Variants in AGAP5 observed in about 807,000 individuals in gnomAD.
AGAP5 encodes arf-GAP with GTPase, ANK repeat and PH domain-containing protein 5.
AGAP5 carries 8 observed loss-of-function variants against 27.7 expected under a neutral mutation model. The ratio of observed to expected loss-of-function variants is 0.29; its 90% CI spans 0.17 to 0.52. AGAP5 has a LOEUF of 0.52. Ranked by LOEUF, AGAP5 falls within the 20% of genes least tolerant of loss-of-function variation. The probability of loss-of-function intolerance (pLI) is 0.97; values close to 1 mark genes in which losing one functional copy is unlikely to be tolerated. For synonymous variants in AGAP5, 111 were observed against 338.0 expected, an observed-to-expected ratio of 0.33 and a Z score of 7.37; for missense variants, 285 against 880.8, an observed-to-expected ratio of 0.32 and a Z score of 8.56.
chr10:73,678,000 T>G (rs1411867608), intron 6 of AGAP5, among the ~76,000 whole-genome samples: 1 of 152,240 alleles, frequency 6.6e-6, no homozygotes. Flanking sequence ...AAGTGGAAAG[T>G]TAATGAGAAG....
At chr10:73,688,065 C>T (rs2082080254) in intron 4 of AGAP5, among the ~76,000 whole-genome samples, 1 of 151,644 alleles carries the variant, frequency 6.6e-6, no homozygotes, top group Non-Finnish European at 1.5e-5. Context: ...AGCCTCAAGT[C>T]CACCTGTCCT....
rs1486350011 is a variant in AGAP5 at position 73,694,597 on chromosome 10, A to G, written c.361+139T>C. 3.4e-6 allele frequency: 5 copies of G among 1,461,590 alleles called. No individual in the cohort carries two copies. In the South Asian group the frequency reaches 4.9e-5, roughly 14 times the overall value. 90.5% of individuals were successfully genotyped at this position (1,461,590 alleles called of 1,614,324 possible). A position where few individuals can be genotyped will look rare whatever the true frequency, so the allele number is the denominator to read the frequency against. ...CATAACAACTAAAGGAAAGTATATC[A>G]CATATTAAAATAAGACAAGTGAACA... On this transcript the variant is annotated intron_variant, in intron 3 of 7. Transcript: ENST00000374094.
rs765077802 is a variant in AGAP5, at chr10:73,697,123, T to C, written c.264A>G (p.Thr88=). 9 of 1,598,138 alleles carry C rather than the reference T, an allele frequency of 5.6e-6. No homozygotes were observed. The highest frequency in any genetic ancestry group is 6.8e-6 in the Non-Finnish European group (8 of 1,179,730). ...FSLSANPEAS[T]IFQRNSQTDA... ...CTGTTTGAGAGTTCCTCTGGAATATTGTGCTTGCCTCTGGATTGGCAGAAA... is the reference window on the plus strand; with the variant it reads ...CTGTTTGAGAGTTCCTCTGGAATATCGTGCTTGCCTCTGGATTGGCAGAAA... Residue 88 remains threonine (T), a synonymous_variant, in exon 2 of 8, where the codon ACA becomes ACG. Coordinates refer to ENST00000374094, the MANE Select transcript of AGAP5 (RefSeq NM_001144000.4).
At position 73,697,830 on chromosome 10, in the gene AGAP5, C is replaced by T. The variant is rs558977217; in HGVS notation, c.-75G>A. ...GCCACACACTCCCACTGTCCTAGGC[C>T]GAGGCTATGCTGCACTTGCAGAGAT... On this transcript the variant is annotated 5_prime_UTR_variant, in exon 1 of 8. Coordinates refer to ENST00000374094, the MANE Select transcript of AGAP5 (RefSeq NM_001144000.4). 116 of 1,581,508 alleles carry T rather than the reference C, an allele frequency of 7.3e-5. No homozygotes were observed. Among genetic ancestry groups the T allele is most frequent in the African/African-American group, 1.6e-4 (12 of 74,812 alleles).
intron 6 of AGAP5, among the ~76,000 whole-genome samples, chr10:73,678,880 GTC>G (rs1397196114): frequency 6.6e-6 from 1 of 151,366 alleles, no homozygotes; most frequent in Non-Finnish European, 1.5e-5. Flanking sequence ...TTGAGACAGA[GTC>G]TCTCTCTGTC....
intron 1 of AGAP5, 118 bp downstream of exon 1, chr10:73,697,415 C>A (rs556475238): frequency 3.1e-5 from 50 of 1,587,964 alleles, no homozygotes; most frequent in Non-Finnish European, 2.6e-6. Flanking sequence ...GGCCAGCCCC[C>A]GGGAAAGCTG....
chr10:73,691,346 A>G (rs1424162895), intron 4 of AGAP5, among the ~76,000 whole-genome samples: 3 of 152,212 alleles, frequency 2.0e-5, no homozygotes, highest in Admixed American at 6.5e-5. Flanking sequence ...ATTGGAAGAA[A>G]CACAGGGAGA....
chr10:73,695,671 A>G (rs1376458411), intron 2 of AGAP5, among the ~76,000 whole-genome samples: 2 of 152,168 alleles, frequency 1.3e-5, no homozygotes, highest in African/African-American at 2.4e-5. Context: ...ACAAAGTCAC[A>G]CTCATAATGA....
chr10:73,693,414 C>T (rs2082135211), intron 3 of AGAP5, among the ~76,000 whole-genome samples: 1 of 152,086 alleles, frequency 6.6e-6, no homozygotes, highest in African/African-American at 2.4e-5. Context: ...GACTGTGGTA[C>T]TGGCCAGGTG....
At chr10:73,688,985 GCCGCCT>G (rs376480052) in intron 4 of AGAP5, among the ~76,000 whole-genome samples, 1,689 of 152,084 alleles carry the variant, frequency 0.011, 25 homozygotes, top group African/African-American at 0.037. Flanking sequence ...CTCTGCCTCT[GCCGCCT>G]CCGCCTCCGC....
rs3998247 is a variant in AGAP5 at position 73,674,994 on chromosome 10, C to T, written c.1666G>A (p.Val556Ile). The stretch of plus-strand genomic sequence containing the variant: ...TCCTTCTCTTCCCTCGTGGACTTTA[C>T]TGAGGGTTTTGTCTGCCCCTGGCTG... ...GSSQGQTKPSVKSTREEKERW... is the reference protein window; with the variant it reads ...GSSQGQTKPSIKSTREEKERW... Residue 556 changes from valine to isoleucine, a missense_variant, in exon 8 of 8, where the codon GTA (valine) becomes ATA (isoleucine). Transcript: ENST00000374094. 1.2e-6 allele frequency: 2 copies of T among 1,612,888 alleles called. No homozygotes were observed. Among genetic ancestry groups the T allele is most frequent in the South Asian group, 1.1e-5 (1 of 91,032 alleles).
intron 1 of AGAP5, 142 bp from the exon 2 acceptor site, chr10:73,697,305 A>G: frequency 6.9e-7 from 1 of 1,449,394 alleles, no homozygotes; most frequent in Non-Finnish European, 9.2e-7. Context: ...TGAGAGAGCA[A>G]GAACTGGGCG....
At chr10:73,677,052 C>T (rs1336529669) in intron 6 of AGAP5, among the ~76,000 whole-genome samples, 1 of 152,174 alleles carries the variant, frequency 6.6e-6, no homozygotes, top group African/African-American at 2.4e-5. Context: ...CATATTTTCA[C>T]TCTTCTAACC....
intron 4 of AGAP5, among the ~76,000 whole-genome samples, chr10:73,687,862 G>A (rs2082078551): frequency 6.6e-6 from 1 of 152,172 alleles, no homozygotes; most frequent in Non-Finnish European, 1.5e-5. Context: ...AGACATAAAA[G>A]TAGATAAAGG....
intron 3 of AGAP5, among the ~76,000 whole-genome samples, 187 bp from the exon 4 acceptor site, chr10:73,692,264 G>A (rs2082125828): frequency 6.6e-6 from 1 of 151,504 alleles, no homozygotes; most frequent in Non-Finnish European, 1.5e-5. Flanking sequence ...TAAAAACTTA[G>A]TTTTTCATTT....
intron 2 of AGAP5, 114 bp from the exon 3 acceptor site, chr10:73,694,918 A>G (rs1436154714): frequency 1.3e-6 from 2 of 1,573,328 alleles, no homozygotes; most frequent in Admixed American, 1.7e-5. Flanking sequence ...TTTGATTCTT[A>G]TACATTGAAA....
intron 4 of AGAP5, among the ~76,000 whole-genome samples, chr10:73,688,947 C>T (rs2082087383): frequency 6.6e-6 from 1 of 152,036 alleles, no homozygotes; most frequent in South Asian, 2.1e-4. Context: ...GCCTCCTCTG[C>T]CTCCTCTGTC....
Position 73,675,380 on chromosome 10 carries a change from G to A in AGAP5, c.1280C>T (p.Thr427Met), listed in dbSNP as rs968748994. ...TGQTWHFEAT[T>M]YEERDAWVQA... ...GACCCAGGCATCCCGCTCCTCATAC[G>A]TCGTGGCTTCAAAGTGCCATGTTTG... The change falls in exon 8 of 8, where the codon ACG becomes ATG. Residue 427 changes from threonine to methionine, a missense_variant. Coordinates refer to ENST00000374094, the MANE Select transcript of AGAP5 (RefSeq NM_001144000.4). The A allele has an allele frequency of 1.8e-5, 29 of 1,613,982 alleles. No individual in the cohort carries two copies. Among genetic ancestry groups the A allele is most frequent in the African/African-American group, 8.0e-5 (6 of 74,884 alleles).
intron 4 of AGAP5, among the ~76,000 whole-genome samples, chr10:73,688,958 TCCTCTGCCTCTGCTG>T (rs1270660346): frequency 5.3e-5 from 8 of 152,040 alleles, no homozygotes; most frequent in South Asian, 4.1e-4. Flanking sequence ...CTCCTCTGTC[TCCTCTGCCTCTGCTG>T]CCTCTGCCTC....
Sources: allele counts gnomAD v4.1 joint callset (sites outside exome capture counted in the v4.1 genomes callset), GRCh38; gene constraint gnomAD v4.1.1; transcripts MANE v1.5; gene names NCBI Gene and HGNC (gene_info 2026-07-23, HGNC 2026-07-21).